The following ABR variants were observed in gnomAD, a reference collection of about 807,000 sequenced individuals.
The protein encoded by ABR is ABR activator of RhoGEF and GTPase, also known as active breakpoint cluster region-related protein.
A neutral mutation model predicts 107.2 loss-of-function variants in ABR; 35 were observed. The observed-to-expected ratio is 0.33, with a 90% confidence interval of 0.25 to 0.43. The LOEUF (loss-of-function observed/expected upper bound fraction) is 0.43. ABR is among the 20% of genes least tolerant of loss of function. The pLI is 1.00. For missense variants in ABR, 815 were observed against 1,115.2 expected (o/e 0.73, Z 3.83); for synonymous variants, 498 against 462.0 (o/e 1.08, Z -1.00).
chr17:1,184,157 A>T (rs1284016101), upstream of ABR, among the ~76,000 whole-genome samples: 1 of 137,536 alleles, frequency 7.3e-6, no homozygotes, highest in African/African-American at 3.0e-5. Context: ...ACTCCCTCTC[A>T]AAAAAAAAAA....
chr17:1,073,052 C>T (rs1010320012), intron 7 of ABR, among the ~76,000 whole-genome samples: 42 of 151,862 alleles, frequency 2.8e-4, no homozygotes, highest in African/African-American at 7.5e-4. Context: ...TGGTGGCGGG[C>T]GCCTGTAGTC....
At position 1,057,108 on chromosome 17, in the gene ABR, G is replaced by A. The variant is rs1298834773; in HGVS notation, c.1382-6C>T. The A allele has an allele frequency of 1.3e-6, 2 of 1,599,840 alleles. No homozygotes were observed. The highest frequency in any genetic ancestry group is 1.7e-6 in the Non-Finnish European group (2 of 1,168,082). On this transcript the variant is annotated splice_polypyrimidine_tract_variant and splice_region_variant and intron_variant, in intron 12 of 22. Transcript: ENST00000302538. ...CAGGACAAAGGCCTGGAGATCTGGA[G>A]GGAGAGCCGAGAGAGAAGGGAGCGT...
intron 1 of ABR, among the ~76,000 whole-genome samples, chr17:1,135,194 G>T (rs1233927428): frequency 6.6e-6 from 1 of 152,090 alleles, no homozygotes; most frequent in Non-Finnish European, 1.5e-5. Context: ...AGTGAGCAGA[G>T]GGGGAGAGGG....
upstream of ABR, among the ~76,000 whole-genome samples, chr17:1,183,628 T>C (rs1347063199): frequency 6.6e-6 from 1 of 152,054 alleles, no homozygotes; most frequent in Admixed American, 6.6e-5. Flanking sequence ...CAAAACTGGG[T>C]ATCTCCACAT....
intron 14 of ABR, among the ~76,000 whole-genome samples, chr17:1,054,244 C>G (rs1040376061): frequency 1.3e-5 from 2 of 152,232 alleles, no homozygotes; most frequent in Non-Finnish European, 2.9e-5. Flanking sequence ...GTGAGTACGT[C>G]CACACGCCAG....
rs183189059 is a variant in ABR, at chr17:1,220,359, C to G, written c.838+8434G>C. Among the ~76,000 whole-genome samples, 180 of 152,232 alleles carry G rather than the reference C, an allele frequency of 1.2e-3. 1 individual carries two copies. The highest frequency in any genetic ancestry group is 9.1e-4 in the Non-Finnish European group (62 of 68,014). ...AAAACGCGACGTGAGGTCCAGGCAG[C>G]CTCCCCTCAGACAGTGTTATCTCAG... On this transcript the variant is annotated intron_variant, in intron 1 of 22. Coordinates refer to the ABR transcript ENST00000574139.
At chr17:1,032,561 CCGCGTCCGTGCTGGG>C (rs2072888348) in intron 16 of ABR, among the ~76,000 whole-genome samples, 2 of 132,736 alleles carry the variant, frequency 1.5e-5, no homozygotes, top group African/African-American at 5.2e-5. Context: ...GGGCAACCAC[CCGCGTCCGTGCTGGG>C]CGCAGAGGAC....
At chr17:1,165,878 GTC>G (rs1332134255) in intron 1 of ABR, among the ~76,000 whole-genome samples, 1 of 152,164 alleles carries the variant, frequency 6.6e-6, no homozygotes, top group African/African-American at 2.4e-5. Flanking sequence ...GGGTGCCATG[GTC>G]TCTCTGAGTC....
upstream of ABR, among the ~76,000 whole-genome samples, chr17:1,189,675 C>T (rs143188347): frequency 5.6e-5 from 6 of 106,850 alleles, no homozygotes; most frequent in East Asian, 1.2e-3. Context: ...GTAACTCCTA[C>T]TCTCCCTTCT....
chr17:1,117,990 TC>T (rs200635640), intron 2 of ABR, among the ~76,000 whole-genome samples: 1 of 54,054 alleles, frequency 1.8e-5, no homozygotes, highest in African/African-American at 6.8e-5. Flanking sequence ...CCTGAGTTCC[TC>T]CCAGCGTTAT....
At chr17:1,144,311 A>G (rs2040436897) in intron 1 of ABR, among the ~76,000 whole-genome samples, 1 of 152,128 alleles carries the variant, frequency 6.6e-6, no homozygotes, top group Admixed American at 6.5e-5. Flanking sequence ...AAGCTATCAC[A>G]CACCAGATGC....
At position 1,195,304 on chromosome 17, in the gene ABR, CA is replaced by C. The variant is rs564020208; in HGVS notation, c.838+33488del. The stretch of plus-strand genomic sequence containing the variant: ...CCTGGGCGACAGAATGAGACTGTCT[CA>C]AAAAAAAAAAAAAGTCCTGGCCTCA... On this transcript the variant is annotated intron_variant, in intron 1 of 22. Coordinates refer to the ABR transcript ENST00000574139. 2.1e-3 allele frequency among the ~76,000 whole-genome samples: 181 copies of C among 87,552 alleles called. 2 individuals carry two copies. The highest frequency in any genetic ancestry group is 6.4e-3 in the Middle Eastern group (1 of 156). The allele number at this position is 87,552 out of a possible 152,430, so 57.4% of individuals were successfully genotyped here.
At position 1,157,286 on chromosome 17, in the gene ABR, T is replaced by C. The variant is rs939031798; in HGVS notation, c.61+22381A>G. ...TTTTTTTTGAGATGAAGTCTCACTC[T>C]GTCGCCCAGGCTGGAGTGCAAAGGT... is the stretch of plus-strand genomic sequence containing the variant. On this transcript the variant is annotated intron_variant, in intron 1 of 22. Coordinates refer to ENST00000302538, the MANE Select transcript of ABR (RefSeq NM_021962.5). The surrounding 1 kb of genome is among the most constrained non-coding windows in gnomAD (Gnocchi z 4.7). Among the ~76,000 whole-genome samples, 1 of 150,656 alleles carries C rather than the reference T, an allele frequency of 6.6e-6. No homozygotes were observed. The highest frequency in any genetic ancestry group is 2.4e-5 in the African/African-American group (1 of 40,856).
chr17:1,190,285 C>A (rs1190073504), upstream of ABR, among the ~76,000 whole-genome samples: 1 of 152,208 alleles, frequency 6.6e-6, no homozygotes, highest in Non-Finnish European at 1.5e-5. Context: ...ACTAAGGGAA[C>A]TTCGGTCTCA....
Position 1,200,375 on chromosome 17 carries a change from A to G in ABR, c.838+28418T>C, listed in dbSNP as rs538228438. ...AACATAGCAAGACACTGTCTCCATT[A>G]AAAAAAATTTTTTTAAATAAAGTCT... On this transcript the variant is annotated intron_variant, in intron 1 of 22. Coordinates refer to the ABR transcript ENST00000574139. This position sits in a 1 kb window ranked among gnomAD's most constrained non-coding sequence, Gnocchi z 4.1. Among the ~76,000 whole-genome samples, 44 of 152,074 alleles carry G rather than the reference A, an allele frequency of 2.9e-4. No individual in the cohort carries two copies. In the South Asian group the frequency reaches 8.9e-3, roughly 31 times the overall value.
chr17:1,129,822 C>T (rs1313402192), intron 1 of ABR, among the ~76,000 whole-genome samples: 1 of 152,164 alleles, frequency 6.6e-6, no homozygotes, highest in Non-Finnish European at 1.5e-5. Flanking sequence ...TGGCGGGTGC[C>T]TGTAATCCCA....
chr17:1,073,670 G>C lies in ABR; in HGVS notation c.708C>G (p.Leu236=). ...GAGTGACCCGGTCAATGGGCTTGTA[G>C]AGCAGAGCTGTCGGGGGAGACAGGG... ...SHTSVTMEAL[L]YKPIDRVTRS... Residue 236 remains leucine, a synonymous_variant, in exon 7 of 23, where the codon CTC becomes CTG. Transcript: ENST00000302538. 1 of 1,606,258 alleles carries C rather than the reference G, an allele frequency of 6.2e-7. No individual in the cohort carries two copies. Among genetic ancestry groups the C allele is most frequent in the Non-Finnish European group, 8.5e-7 (1 of 1,175,434 alleles).
chr17:1,100,799 G>C, intron 2 of ABR, 64 bp from the exon 3 acceptor site: 1 of 1,500,582 alleles, frequency 6.7e-7, no homozygotes, highest in South Asian at 1.1e-5. Context: ...TGCGTGGACG[G>C]TCTGCTTCCC....
At chr17:1,190,112 C>G (rs1312373280), upstream of ABR, among the ~76,000 whole-genome samples, 1 of 152,202 alleles carries the variant, frequency 6.6e-6, no homozygotes, top group East Asian at 1.9e-4. Flanking sequence ...GGGAGAATTG[C>G]TGTTCCAATT....
Sources: gnomAD v4.1 joint callset for allele counts (sites outside exome capture counted in the v4.1 genomes callset) on GRCh38, gnomAD v4.1.1 for gene constraint, Gnocchi (gnomAD v3.1) non-coding constraint, MANE v1.5 for transcripts, NCBI Gene and HGNC (gene_info 2026-07-23, HGNC 2026-07-21) for gene names.